The following BCL2L13 variants were observed in gnomAD, a reference collection of about 807,000 sequenced individuals.
BCL2L13 encodes bcl-2-like protein 13.
BCL2L13 carries 13 observed loss-of-function variants against 25.8 expected under a neutral mutation model. The ratio of observed to expected loss-of-function variants is 0.50; its 90% CI spans 0.33 to 0.80. The LOEUF (loss-of-function observed/expected upper bound fraction) is 0.80, where lower values mean the gene tolerates loss of function less well. Among genes scored for constraint, BCL2L13 ranks in the 30% least tolerant of loss-of-function variants. The pLI is 0.02. For synonymous variants in BCL2L13, 244 were observed against 230.3 expected, an observed-to-expected ratio of 1.06 and a Z score of -0.54; for missense variants, 504 against 574.9, an observed-to-expected ratio of 0.88 and a Z score of 1.26.
chr22:17,683,330 A>G lies in BCL2L13; in HGVS notation c.229+9A>G. ...CAAAGAAATTTCTGAAGGTCTGTTT[A>G]TTCTTATTTTTCTAGTTAATAAGCA... On this transcript the variant is annotated intron_variant, in intron 3 of 6. Transcript: ENST00000317582. 3 of 1,457,680 alleles carry G rather than the reference A, an allele frequency of 2.1e-6. No individual in the cohort carries two copies. The highest frequency in any genetic ancestry group is 2.8e-6 in the Non-Finnish European group (3 of 1,060,100). 90.3% of individuals were successfully genotyped at this position (1,457,680 alleles called of 1,614,324 possible). A position where few individuals can be genotyped will look rare whatever the true frequency, so the allele number is the denominator to read the frequency against.
chr22:17,722,552 G>T (rs2061176816), intron 6 of BCL2L13, among the ~76,000 whole-genome samples: 1 of 152,012 alleles, frequency 6.6e-6, no homozygotes. Flanking sequence ...AGGTCTAATT[G>T]CCTATTTTTA....
chr22:17,726,111 G>T (rs1456549816), intron 6 of BCL2L13, among the ~76,000 whole-genome samples: 1 of 152,074 alleles, frequency 6.6e-6, no homozygotes, highest in East Asian at 1.9e-4. Context: ...GCACTTTTGG[G>T]AGGCCAAGGC....
intron 2 of BCL2L13, among the ~76,000 whole-genome samples, chr22:17,679,531 A>G (rs974468918): frequency 6.6e-6 from 1 of 151,646 alleles, no homozygotes; most frequent in Non-Finnish European, 1.5e-5. Flanking sequence ...TGGCCTCCTG[A>G]AGTGCTGGGA....
chr22:17,687,518 ATTAT>A (rs1476017822), intron 3 of BCL2L13, among the ~76,000 whole-genome samples: 1 of 150,328 alleles, frequency 6.7e-6, no homozygotes, highest in Non-Finnish European at 1.5e-5. Flanking sequence ...TATTATTATT[ATTAT>A]TTTCTTTTTT....
At position 17,706,777 on chromosome 22, in the gene BCL2L13, C is replaced by T. The variant is rs543624059; in HGVS notation, c.600+4391C>T. 7.4e-6 allele frequency: 10 copies of T among 1,352,032 alleles called. No individual in the cohort carries two copies. The South Asian group carries it at 7.9e-5, about 11-fold the overall frequency. The allele number at this position is 1,352,032 out of a possible 1,614,324, so 83.8% of individuals were successfully genotyped here. On this transcript the variant is annotated intron_variant, in intron 6 of 6. Coordinates refer to ENST00000317582, the MANE Select transcript of BCL2L13 (RefSeq NM_015367.4). The stretch of plus-strand genomic sequence containing the variant: ...TTCATTTCCTGGGCTTGTGTTGCTA[C>T]GTTAGAAGTCTGTCTGTCTCCTGGA...
intron 3 of BCL2L13, among the ~76,000 whole-genome samples, chr22:17,687,208 G>C (rs1458377843): frequency 1.3e-5 from 2 of 152,212 alleles, no homozygotes; most frequent in Non-Finnish European, 2.9e-5. Flanking sequence ...GGTAGCTGAT[G>C]CCTTGCATCG....
At chr22:17,705,359 A>T (rs1030480466) in intron 6 of BCL2L13, among the ~76,000 whole-genome samples, 4 of 149,280 alleles carry the variant, frequency 2.7e-5, no homozygotes, top group African/African-American at 5.0e-5. Flanking sequence ...ATGCAGTGGC[A>T]CTATCTTGGC....
chr22:17,638,573 T>C, upstream of BCL2L13: 1 of 839,910 alleles, frequency 1.2e-6, no homozygotes, highest in Non-Finnish European at 1.6e-6. Flanking sequence ...GAGACGGAAC[T>C]TCCGAACGTC....
chr22:17,688,987 C>T lies in BCL2L13; in HGVS notation c.231C>T (p.Ala77=). 1 of 1,611,846 alleles carries T rather than the reference C, an allele frequency of 6.2e-7. No homozygotes were observed. The change falls in exon 4 of 7, where the codon GCC becomes GCT. Residue 77 remains alanine, a splice_region_variant and synonymous_variant. Coordinates refer to ENST00000317582, the MANE Select transcript of BCL2L13 (RefSeq NM_015367.4). ...GTTTTTCTTTTGTCCTATCTTCAGC[C>T]TTCACCAGCACAGGCTTTGACCGTC... ...LKSLDKEISE[A]FTSTGFDRHT...
chr22:17,684,399 C>T (rs887422512), intron 3 of BCL2L13, among the ~76,000 whole-genome samples: 8 of 152,208 alleles, frequency 5.3e-5, no homozygotes, highest in African/African-American at 9.7e-5. Flanking sequence ...AGAACACTTT[C>T]GGTTCTCCTT....
chr22:17,639,178 C>T (rs749831771), intron 1 of BCL2L13, among the ~76,000 whole-genome samples: 9 of 152,246 alleles, frequency 5.9e-5, no homozygotes, highest in South Asian at 2.1e-4. Context: ...CGCCGCTGTC[C>T]TTCCCCACAG....
intron 2 of BCL2L13, among the ~76,000 whole-genome samples, chr22:17,678,402 T>C (rs1308510575): frequency 2.6e-5 from 4 of 152,260 alleles, no homozygotes; most frequent in African/African-American, 9.6e-5. Context: ...TTCTGCTCTC[T>C]GTTAACTATT....
In BCL2L13 at chr22:17,727,596, G is replaced by T. The variant is rs1601817787; in HGVS notation, c.*62G>T. 1 of 1,584,706 alleles carries T rather than the reference G, an allele frequency of 6.3e-7. No homozygotes were observed. ...GTTGGAGTTGTATTGGCTGGAATTTGAACCTCCAGCAGCTGTCTGGACATT... is the reference window on the plus strand; with the variant it reads ...GTTGGAGTTGTATTGGCTGGAATTTTAACCTCCAGCAGCTGTCTGGACATT... On this transcript the variant is annotated 3_prime_UTR_variant, in exon 7 of 7. Transcript: ENST00000317582.
Position 17,727,645 on chromosome 22 carries a change from G to A in BCL2L13, c.*111G>A. On this transcript the variant is annotated 3_prime_UTR_variant, in exon 7 of 7. Transcript: ENST00000317582. Reference sequence around the variant, plus strand: ...TTTGTGGAACACTCTGGGATAATTGGGGACTTCTGCTCAACATGGCAGTGG... The same window carrying A: ...TTTGTGGAACACTCTGGGATAATTGAGGACTTCTGCTCAACATGGCAGTGG... The A allele has an allele frequency of 4.1e-6, 6 of 1,451,456 alleles. No homozygotes were observed. Among genetic ancestry groups the A allele is most frequent in the South Asian group, 3.9e-5 (3 of 77,612 alleles). 89.9% of individuals were successfully genotyped at this position (1,451,456 alleles called of 1,614,324 possible).
intron 4 of BCL2L13, 134 bp from the exon 5 acceptor site, chr22:17,696,007 G>T (rs1377869888): frequency 1.7e-5 from 10 of 596,424 alleles, no homozygotes; most frequent in Non-Finnish European, 3.0e-5. Flanking sequence ...GCCACGTCTT[G>T]TACAAAACAG....
In BCL2L13 at chr22:17,696,200, G is replaced by C. The variant is rs781332681; in HGVS notation, c.446G>C (p.Gly149Ala). ...CTLETTVHAS[G>A]WNKILVPLVL... Reference sequence around the variant, plus strand: ...CTGGAGACCACAGTTCATGCCAGCGGCTGGAATAAGGTATCATCACAATGA... The same window carrying C: ...CTGGAGACCACAGTTCATGCCAGCGCCTGGAATAAGGTATCATCACAATGA... Residue 149 changes from glycine (G) to alanine (A), a missense_variant, in exon 5 of 7, where the codon GGC becomes GCC. Coordinates refer to ENST00000317582, the MANE Select transcript of BCL2L13 (RefSeq NM_015367.4). The C allele has an allele frequency of 3.7e-6, 6 of 1,613,444 alleles. No individual in the cohort carries two copies. The South Asian group carries it at 6.6e-5, about 18-fold the overall frequency.
At chr22:17,657,963 C>G (rs540498918) in intron 2 of BCL2L13, among the ~76,000 whole-genome samples, 1 of 148,648 alleles carries the variant, frequency 6.7e-6, no homozygotes, top group African/African-American at 2.5e-5. Context: ...GCTGGGATTA[C>G]AGGCGCATGC....
intron 3 of BCL2L13, among the ~76,000 whole-genome samples, chr22:17,686,128 C>T (rs953582920): frequency 1.3e-5 from 2 of 151,956 alleles, no homozygotes; most frequent in African/African-American, 2.4e-5. Flanking sequence ...TCATGTTCCT[C>T]GTTAGTAGAG....
intron 6 of BCL2L13, among the ~76,000 whole-genome samples, chr22:17,715,135 TA>T (rs2060880674): frequency 3.5e-4 from 1 of 2,870 alleles, no homozygotes; most frequent in Non-Finnish European, 6.3e-4. Flanking sequence ...TATATATATA[TA>T]TATATATATA....
Sources: allele counts gnomAD v4.1 joint callset (sites outside exome capture counted in the v4.1 genomes callset), GRCh38; gene constraint gnomAD v4.1.1; transcripts MANE v1.5; gene names NCBI Gene and HGNC (gene_info 2026-07-23, HGNC 2026-07-21).